COL6A6: variants seen among roughly 807,000 people sequenced by gnomAD.
The protein encoded by COL6A6 is collagen type VI alpha 6 chain.
In COL6A6, 183 loss-of-function variants were observed where a neutral mutation model predicts 208.6. That is an observed-to-expected ratio of 0.88 (90% CI 0.78 to 0.99). COL6A6 has a LOEUF of 0.99. Among genes scored for constraint, COL6A6 ranks in the 50% least tolerant of loss-of-function variants. COL6A6 has a pLI of 0.00. For missense variants in COL6A6, 2,816 were observed against 2,815.2 expected (o/e 1.00, Z -0.01); for synonymous variants, 973 against 1,011.8 (o/e 0.96, Z 0.73).
At position 130,566,994 on chromosome 3, in the gene COL6A6, G is replaced by C; in HGVS notation, c.1575G>C (p.Leu525=). Residue 525 remains leucine (L), a synonymous_variant, in exon 5 of 37, where the codon CTG becomes CTC. Coordinates refer to ENST00000358511, the MANE Select transcript of COL6A6 (RefSeq NM_001102608.3). ...CAGCACTGAATTTCACACTGAGTCT[G>C]TTGCAAAAAGCAAAGAAGCAGCGAG... The part of the protein sequence containing the change: ...TGAALNFTLS[L]LQKAKKQRGN... 1 of 1,614,014 alleles carries C rather than the reference G, an allele frequency of 6.2e-7. No homozygotes were observed. Among genetic ancestry groups the C allele is most frequent in the South Asian group, 1.1e-5 (1 of 91,082 alleles).
Position 130,559,871 on chromosome 3 carries a change from C to T in COL6A6, c.-31-463C>T, listed in dbSNP as rs565767257. ...TCAGTTAGGGAGGAAAAGGAAAAAA[C>T]GTGTAATTTTGATCACATCTAAAAA... On this transcript the variant is annotated intron_variant, in intron 1 of 36. Transcript: ENST00000358511. 2.5e-4 allele frequency among the ~76,000 whole-genome samples: 38 copies of T among 152,162 alleles called. No homozygotes were observed. In the South Asian group the frequency reaches 5.6e-3, roughly 22 times the overall value.
At chr3:130,533,334 C>T (rs948075544) in intron 1 of COL6A6, among the ~76,000 whole-genome samples, 2 of 151,282 alleles carry the variant, frequency 1.3e-5, no homozygotes, top group South Asian at 2.1e-4. Context: ...TTCATCACTT[C>T]GTCACCTCCT....
At chr3:130,636,186 G>A (rs773333136) in intron 28 of COL6A6, among the ~76,000 whole-genome samples, 3 of 152,190 alleles carry the variant, frequency 2.0e-5, no homozygotes, top group Non-Finnish European at 4.4e-5. Context: ...ATGCAGAAAG[G>A]TCTTCTCATT....
intron 28 of COL6A6, among the ~76,000 whole-genome samples, chr3:130,640,705 T>C (rs891592489): frequency 2.6e-5 from 4 of 152,234 alleles, no homozygotes; most frequent in African/African-American, 7.2e-5. Context: ...GATAAACTTA[T>C]TGTTGAATGC....
At chr3:130,621,747 C>T in intron 23 of COL6A6, 74 bp from the exon 24 acceptor site, 14 of 1,321,456 alleles carry the variant, frequency 1.1e-5, no homozygotes, top group Non-Finnish European at 1.4e-5. Context: ...TCACTTTCCT[C>T]TTATAAGACA....
intron 12 of COL6A6, 43 bp from the exon 13 acceptor site, chr3:130,590,998 T>C: frequency 6.9e-7 from 1 of 1,457,244 alleles, no homozygotes; most frequent in African/African-American, 1.4e-5. Flanking sequence ...CTCTGATTTT[T>C]GGTCCATAGA....
At chr3:130,636,716 C>T (rs1398619609) in intron 28 of COL6A6, among the ~76,000 whole-genome samples, 4 of 146,694 alleles carry the variant, frequency 2.7e-5, no homozygotes, top group Middle Eastern at 3.4e-3. Flanking sequence ...AAGGAAACTC[C>T]TCTTCTTCTG....
chr3:130,647,885 G>C (rs567110613), intron 32 of COL6A6, among the ~76,000 whole-genome samples: 1 of 152,170 alleles, frequency 6.6e-6, no homozygotes, highest in Admixed American at 6.5e-5. Context: ...GGCATCTCAC[G>C]TATTATTAAA....
chr3:130,525,015 A>G (rs565454961), intron 1 of COL6A6, among the ~76,000 whole-genome samples: 7 of 152,240 alleles, frequency 4.6e-5, no homozygotes, highest in Admixed American at 2.0e-4. Context: ...CTCAGCACTT[A>G]TTAAACATAT....
intron 34 of COL6A6, among the ~76,000 whole-genome samples, chr3:130,659,284 T>C (rs1335377519): frequency 1.3e-5 from 2 of 152,164 alleles, no homozygotes; most frequent in African/African-American, 4.8e-5. Flanking sequence ...GCAGTGTTGA[T>C]TTATTTGTAG....
intron 1 of COL6A6, among the ~76,000 whole-genome samples, chr3:130,521,170 G>C (rs1248959832): frequency 1.3e-5 from 2 of 152,268 alleles, no homozygotes; most frequent in Non-Finnish European, 2.9e-5. Context: ...ACACTTTAGA[G>C]GGGAAAGATT....
intron 35 of COL6A6, 54 bp downstream of exon 35, chr3:130,662,362 T>TA (rs1488673947): frequency 9.9e-6 from 15 of 1,510,192 alleles, no homozygotes; most frequent in African/African-American, 7.0e-5. Context: ...TTGGTATTAC[T>TA]AAAAAAAGGT....
chr3:130,547,576 G>A (rs894250050), intron 1 of COL6A6, among the ~76,000 whole-genome samples: 1 of 152,248 alleles, frequency 6.6e-6, no homozygotes, highest in Non-Finnish European at 1.5e-5. Flanking sequence ...CCGAGGAGGG[G>A]CTGAGAACGA....
At chr3:130,528,831 C>T (rs759827292) in intron 1 of COL6A6, among the ~76,000 whole-genome samples, 1 of 152,218 alleles carries the variant, frequency 6.6e-6, no homozygotes, top group African/African-American at 2.4e-5. Context: ...TGGCTCACGC[C>T]TGTAATCCCA....
chr3:130,555,885 C>G (rs2062757995), intron 1 of COL6A6, among the ~76,000 whole-genome samples: 1 of 152,116 alleles, frequency 6.6e-6, no homozygotes, highest in East Asian at 1.9e-4. Flanking sequence ...GGTGTATTAA[C>G]TTTTTTGTTA....
intron 1 of COL6A6, among the ~76,000 whole-genome samples, chr3:130,529,583 G>T (rs1197086228): frequency 6.6e-6 from 1 of 152,104 alleles, no homozygotes; most frequent in Non-Finnish European, 1.5e-5. Flanking sequence ...CCCTGCCTTG[G>T]ACATGCTGCC....
At chr3:130,612,746 G>A (rs1030488349) in intron 23 of COL6A6, among the ~76,000 whole-genome samples, 6 of 152,098 alleles carry the variant, frequency 3.9e-5, no homozygotes, top group Admixed American at 3.3e-4. Context: ...TGGGTTACAA[G>A]CATGGGGGCA....
intron 20 of COL6A6, among the ~76,000 whole-genome samples, chr3:130,600,553 A>G (rs1576305483): frequency 6.6e-6 from 1 of 152,330 alleles, no homozygotes; most frequent in Non-Finnish European, 1.5e-5. Context: ...GCATGAGATC[A>G]TGTCCTTTGC....
At chr3:130,518,939 A>G (rs982691017) in intron 1 of COL6A6, among the ~76,000 whole-genome samples, 12 of 152,230 alleles carry the variant, frequency 7.9e-5, no homozygotes, top group Admixed American at 7.9e-4. Context: ...TAGGTTAAGC[A>G]TTCATTGGAG....
Sources: gnomAD v4.1 joint callset for allele counts (sites outside exome capture counted in the v4.1 genomes callset) on GRCh38, gnomAD v4.1.1 for gene constraint, MANE v1.5 for transcripts, NCBI Gene and HGNC (gene_info 2026-07-23, HGNC 2026-07-21) for gene names.